RUNDC3B: variants seen among roughly 807,000 people sequenced by gnomAD.
The protein encoded by RUNDC3B is RUN domain-containing protein 3B.
A neutral mutation model predicts 58.4 loss-of-function variants in RUNDC3B; 33 were observed. The observed-to-expected ratio is 0.56, with a 90% CI of 0.43 to 0.75. RUNDC3B has a LOEUF of 0.75. Among genes scored for constraint, RUNDC3B ranks in the 30% least tolerant of loss-of-function variants. RUNDC3B has a pLI of 0.00. For missense variants in RUNDC3B, 501 were observed against 535.7 expected, an observed-to-expected ratio of 0.94 and a Z score of 0.64; for synonymous variants, 193 against 195.2, an observed-to-expected ratio of 0.99 and a Z score of 0.10.
At chr7:87,678,960 A>G (rs563110860) in intron 2 of RUNDC3B, among the ~76,000 whole-genome samples, 1 of 152,278 alleles carries the variant, frequency 6.6e-6, no homozygotes, top group South Asian at 2.1e-4. Context: ...AAATAGAAAA[A>G]TCTACATTAT....
At chr7:87,762,574 T>C (rs1308564205) in intron 6 of RUNDC3B, among the ~76,000 whole-genome samples, 1 of 151,552 alleles carries the variant, frequency 6.6e-6, no homozygotes, top group Non-Finnish European at 1.5e-5. Flanking sequence ...TTTTGTATGA[T>C]ATTAAGATTC....
At chr7:87,800,491 C>A (rs1164418303) in intron 8 of RUNDC3B, among the ~76,000 whole-genome samples, 1 of 152,062 alleles carries the variant, frequency 6.6e-6, no homozygotes, top group Non-Finnish European at 1.5e-5. Context: ...ATACTGATTT[C>A]AAATCATTCA....
At chr7:87,823,313 A>G (rs1837597301) in intron 10 of RUNDC3B, among the ~76,000 whole-genome samples, 3 of 152,274 alleles carry the variant, frequency 2.0e-5, no homozygotes, top group South Asian at 4.1e-4. Context: ...TCCAAGTCAC[A>G]TAGCCCTTTC....
chr7:87,741,207 A>G (rs1163453005), intron 5 of RUNDC3B, among the ~76,000 whole-genome samples: 1 of 151,790 alleles, frequency 6.6e-6, no homozygotes, highest in Non-Finnish European at 1.5e-5. Context: ...TCCCTCTCAA[A>G]AAAAAAGAAA....
chr7:87,640,928 T>C (rs1458417317), intron 1 of RUNDC3B, among the ~76,000 whole-genome samples: 1 of 152,208 alleles, frequency 6.6e-6, no homozygotes, highest in African/African-American at 2.4e-5. Context: ...TTTACCTATG[T>C]ACTTCATTTC....
At chr7:87,690,531 A>G (rs1827910143) in intron 2 of RUNDC3B, among the ~76,000 whole-genome samples, 1 of 152,168 alleles carries the variant, frequency 6.6e-6, no homozygotes, top group African/African-American at 2.4e-5. Flanking sequence ...AAGCTTAAGA[A>G]AAGTTATATA....
chr7:87,719,681 CTTTAG>C (rs1246104921), intron 4 of RUNDC3B, among the ~76,000 whole-genome samples: 1 of 151,576 alleles, frequency 6.6e-6, no homozygotes, highest in Admixed American at 6.6e-5. Flanking sequence ...AAAAAATAAA[CTTTAG>C]TTTATGATAA....
intron 10 of RUNDC3B, 71 bp from the exon 11 acceptor site, chr7:87,829,814 T>C (rs1383546401): frequency 1.8e-6 from 2 of 1,120,872 alleles, no homozygotes; most frequent in Non-Finnish European, 2.6e-6. Flanking sequence ...CAATTTCTAA[T>C]GGTTTTAGGA....
intron 8 of RUNDC3B, among the ~76,000 whole-genome samples, chr7:87,779,522 A>G (rs1224591530): frequency 1.3e-5 from 2 of 152,132 alleles, no homozygotes; most frequent in Admixed American, 6.6e-5. Context: ...TAATGATACT[A>G]ATTTTAATCA....
At chr7:87,637,259 G>T (rs966074621) in intron 1 of RUNDC3B, among the ~76,000 whole-genome samples, 15 of 152,124 alleles carry the variant, frequency 9.9e-5, no homozygotes, top group African/African-American at 2.4e-5. Context: ...TCTGTTTCTA[G>T]ACTTTCTTTT....
intron 6 of RUNDC3B, among the ~76,000 whole-genome samples, chr7:87,742,050 T>C (rs1260623982): frequency 6.6e-6 from 1 of 152,212 alleles, no homozygotes; most frequent in Non-Finnish European, 1.5e-5. Flanking sequence ...AATATGTCTT[T>C]TAAAGAGTTG....
chr7:87,679,902 A>G (rs758448124), intron 2 of RUNDC3B, among the ~76,000 whole-genome samples: 30 of 150,592 alleles, frequency 2.0e-4, no homozygotes, highest in Non-Finnish European at 3.7e-4. Context: ...AAATCACCAA[A>G]TGTTTGAAAA....
intron 3 of RUNDC3B, chr7:87,709,486 G>A: frequency 2.0e-6 from 2 of 985,442 alleles, no homozygotes; most frequent in Non-Finnish European, 2.4e-6. Flanking sequence ...CACAGGGCAA[G>A]CTAAAAGGGA....
intron 2 of RUNDC3B, among the ~76,000 whole-genome samples, chr7:87,654,609 C>T (rs905685556): frequency 6.6e-6 from 1 of 151,952 alleles, no homozygotes; most frequent in South Asian, 2.1e-4. Flanking sequence ...CTATCTACTA[C>T]AACTGTAAAA....
chr7:87,778,949 A>T (rs77845151), intron 8 of RUNDC3B, among the ~76,000 whole-genome samples: 1 of 152,160 alleles, frequency 6.6e-6, no homozygotes. Context: ...AAGAATTCCC[A>T]TATGATGTTT....
At chr7:87,700,662 C>A in intron 3 of RUNDC3B, 108 bp downstream of exon 3, 1 of 1,035,324 alleles carries the variant, frequency 9.7e-7, no homozygotes, top group Non-Finnish European at 1.4e-6. Context: ...TCTTAAGAAG[C>A]ATAATAAAAT....
chr7:87,823,127 T>A (rs1214640680), intron 10 of RUNDC3B, among the ~76,000 whole-genome samples: 2 of 152,186 alleles, frequency 1.3e-5, no homozygotes, highest in Non-Finnish European at 2.9e-5. Flanking sequence ...ACTATTTTAA[T>A]TTGTTTAACT....
chr7:87,664,065 T>A (rs187092281), intron 2 of RUNDC3B, among the ~76,000 whole-genome samples: 1 of 152,288 alleles, frequency 6.6e-6, no homozygotes, highest in Non-Finnish European at 1.5e-5. Context: ...ACAGCATTTA[T>A]CAATGTGTTG....
chr7:87,688,482 T>C (rs1181037564), intron 2 of RUNDC3B, among the ~76,000 whole-genome samples: 1 of 151,958 alleles, frequency 6.6e-6, no homozygotes, highest in Non-Finnish European at 1.5e-5. Flanking sequence ...TTCATGACTT[T>C]TGCCTATTTC....
Sources: allele counts gnomAD v4.1 joint callset (sites outside exome capture counted in the v4.1 genomes callset), GRCh38; gene constraint gnomAD v4.1.1; transcripts MANE v1.5; gene names NCBI Gene and HGNC (gene_info 2026-07-23, HGNC 2026-07-21).